The following SGPP2 variants were observed in gnomAD, a reference collection of about 807,000 sequenced individuals.
The protein encoded by SGPP2 is sphingosine 1-phosphate phosphohydrolase 2.
Under a neutral mutation model 33.9 loss-of-function variants are expected in SGPP2, and 30 were observed. That is an observed-to-expected ratio of 0.89 (90% CI 0.66 to 1.20). The LOEUF is 1.20. Among genes scored for constraint, SGPP2 ranks in the 50% most tolerant of loss-of-function variants. The pLI, the probability that SGPP2 is intolerant of heterozygous loss-of-function variation, is 0.00. For missense variants in SGPP2, 458 were observed against 532.1 expected, an observed-to-expected ratio of 0.86 and a Z score of 1.37; for synonymous variants, 233 against 225.0, an observed-to-expected ratio of 1.04 and a Z score of -0.32.
intron 3 of SGPP2, among the ~76,000 whole-genome samples, chr2:222,523,745 T>C (rs112873039): frequency 1.4e-3 from 207 of 151,480 alleles, no homozygotes; most frequent in African/African-American, 4.5e-3. Context: ...ATATTATATA[T>C]TGGTTTATGT....
intron 1 of SGPP2, among the ~76,000 whole-genome samples, chr2:222,449,446 T>C (rs7590748): frequency 0.77 from 115,882 of 150,930 alleles, 44,640 homozygotes; most frequent in Middle Eastern, 0.89. Context: ...ATCCTAAGGA[T>C]GCAGCCTTTA....
At chr2:222,513,962 T>C (rs775179089) in intron 2 of SGPP2, among the ~76,000 whole-genome samples, 1 of 152,240 alleles carries the variant, frequency 6.6e-6, no homozygotes, top group Non-Finnish European at 1.5e-5. Context: ...AATGGAATCA[T>C]ACAATGTGTG....
Position 222,558,789 on chromosome 2 carries a change from G to A in SGPP2, c.1091G>A (p.Arg364Lys). ...GTGGTCACCAGGAACAAGGAGGCCA[G>A]GCGGAGACTGGAGATTGAAGTGCCT... ...FKVVTRNKEA[R>K]RRLEIEVPYK... The change falls in exon 5 of 5, where the codon AGG becomes AAG. Residue 364 changes from arginine to lysine, a missense_variant. Transcript: ENST00000321276. The A allele has an allele frequency of 1.2e-6, 2 of 1,614,168 alleles. No individual in the cohort carries two copies. Among genetic ancestry groups the A allele is most frequent in the Non-Finnish European group, 1.7e-6 (2 of 1,180,032 alleles).
intron 2 of SGPP2, among the ~76,000 whole-genome samples, chr2:222,481,108 G>A (rs1391431544): frequency 6.6e-6 from 1 of 152,184 alleles, no homozygotes; most frequent in African/African-American, 2.4e-5. Flanking sequence ...TGGCAGGAGG[G>A]AGAGCATCAG....
intron 4 of SGPP2, among the ~76,000 whole-genome samples, chr2:222,538,286 T>C (rs1249557291): frequency 1.3e-5 from 2 of 152,088 alleles, no homozygotes; most frequent in African/African-American, 4.8e-5. Context: ...CAAAAAAGAG[T>C]AACTTTTAGT....
At chr2:222,446,261 G>A (rs1427766881) in intron 1 of SGPP2, among the ~76,000 whole-genome samples, 4 of 152,166 alleles carry the variant, frequency 2.6e-5, no homozygotes, top group African/African-American at 9.7e-5. Flanking sequence ...CAGTCACCTT[G>A]GATTTCTTAG....
At chr2:222,471,983 C>G (rs984118654) in intron 1 of SGPP2, among the ~76,000 whole-genome samples, 3 of 152,100 alleles carry the variant, frequency 2.0e-5, no homozygotes, top group African/African-American at 7.2e-5. Context: ...TTCCCTAAGT[C>G]TTTCTTTTCT....
At chr2:222,500,800 T>C (rs912089140) in intron 2 of SGPP2, among the ~76,000 whole-genome samples, 9 of 152,222 alleles carry the variant, frequency 5.9e-5, no homozygotes, top group African/African-American at 2.2e-4. Context: ...CAGCTCTCCA[T>C]TTCCTTCCAA....
Position 222,559,013 on chromosome 2 carries a change from G to T in SGPP2, c.*115G>T. ...TTTAACAACAACAAAAAGTCATACG[G>T]CTGTCTTGCTACTACCAGATAAATG... On this transcript the variant is annotated 3_prime_UTR_variant, in exon 5 of 5. Transcript: ENST00000321276. 7.2e-6 allele frequency: 7 copies of T among 973,314 alleles called. No homozygotes were observed. Among genetic ancestry groups the T allele is most frequent in the Non-Finnish European group, 1.1e-5 (7 of 662,836 alleles). 60.3% of individuals were successfully genotyped at this position (973,314 alleles called of 1,614,324 possible).
intron 2 of SGPP2, among the ~76,000 whole-genome samples, chr2:222,495,421 T>A (rs912453469): frequency 6.6e-6 from 1 of 151,872 alleles, no homozygotes; most frequent in Non-Finnish European, 1.5e-5. Flanking sequence ...CTCAAAAAAA[T>A]AAAAATTAAA....
chr2:222,454,716 CCAAA>C (rs1166588871), intron 1 of SGPP2, among the ~76,000 whole-genome samples: 1 of 148,552 alleles, frequency 6.7e-6, no homozygotes, highest in Non-Finnish European at 1.5e-5. Context: ...GGCAATTGGA[CCAAA>C]CAGTGGAGCT....
In SGPP2 at chr2:222,452,359, G is replaced by A. The variant is rs1372797205; in HGVS notation, c.220-22209G>A. 4 of 709,964 alleles carry A rather than the reference G, an allele frequency of 5.6e-6. No homozygotes were observed. In the African/African-American group the frequency reaches 6.9e-5, roughly 12 times the overall value. 44.0% of individuals were successfully genotyped at this position (709,964 alleles called of 1,614,324 possible). A position where few individuals can be genotyped will look rare whatever the true frequency, so the allele number is the denominator to read the frequency against. ...GGAGGGGAGAGGAAGGATTCAGCCA[G>A]TGCCCAGAGTCAAATTGAGTAATAT... On this transcript the variant is annotated intron_variant, in intron 1 of 4. Coordinates refer to ENST00000321276, the MANE Select transcript of SGPP2 (RefSeq NM_152386.4).
At chr2:222,456,056 G>A (rs1697569129) in intron 1 of SGPP2, among the ~76,000 whole-genome samples, 1 of 152,180 alleles carries the variant, frequency 6.6e-6, no homozygotes, top group African/African-American at 2.4e-5. Flanking sequence ...TCCAGTCTGG[G>A]CAATAGAGCA....
intron 1 of SGPP2, among the ~76,000 whole-genome samples, chr2:222,461,989 C>G (rs902766087): frequency 1.2e-4 from 19 of 152,146 alleles, no homozygotes; most frequent in African/African-American, 4.1e-4. Context: ...AGGGGACTGT[C>G]CCTCTGCCTC....
At chr2:222,475,160 C>T (rs12479247) in intron 2 of SGPP2, among the ~76,000 whole-genome samples, 20,072 of 152,110 alleles carry the variant, frequency 0.13, 1,489 homozygotes, top group African/African-American at 0.2. Context: ...TCAGGTGCCT[C>T]CCAGGTTCAA....
chr2:222,541,039 G>T (rs540862814), intron 4 of SGPP2, among the ~76,000 whole-genome samples: 2 of 151,972 alleles, frequency 1.3e-5, no homozygotes, highest in South Asian at 4.2e-4. Context: ...GGCTGGTCTC[G>T]AACTCCTGAC....
chr2:222,558,829 C>G lies in SGPP2; in HGVS notation c.1131C>G (p.Thr377=), dbSNP rs374794737. Residue 377 remains threonine, a synonymous_variant, in exon 5 of 5, where the codon ACC becomes ACG. Transcript: ENST00000321276. Reference sequence around the variant, plus strand: ...TTGAAGTGCCTTACAAGTTTGTTACCTACACATCTGTTGGCATCTGCGCTA... The same window carrying G: ...TTGAAGTGCCTTACAAGTTTGTTACGTACACATCTGTTGGCATCTGCGCTA... ...LEIEVPYKFV[T]YTSVGICATT... 1.4e-4 allele frequency: 225 copies of G among 1,614,128 alleles called. No homozygotes were observed. The highest frequency in any genetic ancestry group is 1.2e-3 in the South Asian group (107 of 91,086).
At chr2:222,442,208 G>C (rs937645524) in intron 1 of SGPP2, among the ~76,000 whole-genome samples, 2 of 152,034 alleles carry the variant, frequency 1.3e-5, no homozygotes, top group African/African-American at 4.8e-5. Context: ...TATATTTTTG[G>C]CATGTATCTT....
At chr2:222,453,860 CA>C (rs1241203521) in intron 1 of SGPP2, among the ~76,000 whole-genome samples, 2 of 152,116 alleles carry the variant, frequency 1.3e-5, no homozygotes, top group Admixed American at 1.3e-4. Context: ...GTGCATTGTT[CA>C]AGGGTCAACT....
Sources: gnomAD v4.1 joint callset for allele counts (sites outside exome capture counted in the v4.1 genomes callset) on GRCh38, gnomAD v4.1.1 for gene constraint, MANE v1.5 for transcripts, NCBI Gene and HGNC (gene_info 2026-07-23, HGNC 2026-07-21) for gene names.